The following CACNA1C variants were observed in gnomAD, a reference collection of about 807,000 sequenced individuals.
CACNA1C encodes voltage-dependent L-type calcium channel subunit alpha-1C.
A neutral mutation model predicts 229.0 loss-of-function variants in CACNA1C; 30 were observed. The observed-to-expected ratio is 0.13, with a 90% CI of 0.10 to 0.18. CACNA1C has a LOEUF of 0.18. Ranked by LOEUF, CACNA1C falls within the 10% of genes least tolerant of loss-of-function variation. The probability of loss-of-function intolerance (pLI) is 1.00; values close to 1 mark genes in which losing one functional copy is unlikely to be tolerated. For missense variants in CACNA1C, 1,658 were observed against 2,845.0 expected (o/e 0.58, Z 9.49); for synonymous variants, 1,114 against 1,132.5 (o/e 0.98, Z 0.33).
Position 2,682,037 on chromosome 12 carries a change from G to A in CACNA1C, c.5445-513G>A, listed in dbSNP as rs771327118. On this transcript the variant is annotated intron_variant, in intron 42 of 46. Coordinates refer to ENST00000399655, the MANE Select transcript of CACNA1C (RefSeq NM_000719.7). ...CTCAGGCTCACTGCCTTCTGCTCAG[G>A]AGAGCAAACCCCTCTAGGTGAGGCT... 5 of 1,600,548 alleles carry A rather than the reference G, an allele frequency of 3.1e-6. 1 individual carries two copies. In the South Asian group the frequency reaches 5.5e-5, roughly 18 times the overall value.
chr12:2,161,483 C>T (rs746578991), intron 3 of CACNA1C, among the ~76,000 whole-genome samples: 5 of 152,120 alleles, frequency 3.3e-5, no homozygotes, highest in Non-Finnish European at 5.9e-5. Flanking sequence ...TGCCAGGGGC[C>T]CCGCCTGTCA....
At position 2,677,211 on chromosome 12, in the gene CACNA1C, T is replaced by C. The variant is rs762182784; in HGVS notation, c.4946T>C (p.Leu1649Pro). 3 of 1,613,666 alleles carry C rather than the reference T, an allele frequency of 1.9e-6. No homozygotes were observed. The highest frequency in any genetic ancestry group is 2.5e-6 in the Non-Finnish European group (3 of 1,179,766). ...LVGKPSQRNA[L>P]SLQAGLRTLH... ...GGCAAGCCCTCCCAGAGGAACGCGC[T>C]GTCTCTGCAGGTGAGGGCCTGGGGG... The change falls in exon 40 of 47, where the codon CTG becomes CCG. Residue 1649 changes from leucine (L) to proline (P), a missense_variant. Physicochemically the swap from Leu to Pro is moderately conservative, Grantham distance 98. Transcript: ENST00000399655. This position sits in a 1 kb window ranked among gnomAD's most constrained non-coding sequence, Gnocchi z 7.4.
At chr12:2,276,374 A>G (rs1407049677) in intron 3 of CACNA1C, among the ~76,000 whole-genome samples, 1 of 152,254 alleles carries the variant, frequency 6.6e-6, no homozygotes, top group East Asian at 1.9e-4. Flanking sequence ...TTACCTTTGA[A>G]GTAAGTCAGG....
intron 3 of CACNA1C, among the ~76,000 whole-genome samples, chr12:2,314,565 CTTG>C (rs1268929664): frequency 1.3e-5 from 2 of 152,218 alleles, no homozygotes; most frequent in African/African-American, 2.4e-5. Flanking sequence ...CATTTCCCCT[CTTG>C]TTGTACTTGA....
At chr12:2,017,371 T>G (rs1271475406) in intron 1 of CACNA1C, among the ~76,000 whole-genome samples, 1 of 152,250 alleles carries the variant, frequency 6.6e-6, no homozygotes, top group Non-Finnish European at 1.5e-5. Context: ...ACTTTTTAGC[T>G]TGGCTGTAAA....
intron 38 of CACNA1C, among the ~76,000 whole-genome samples, chr12:2,673,540 C>A (rs1276115571): frequency 6.6e-6 from 1 of 151,540 alleles, no homozygotes; most frequent in Non-Finnish European, 1.5e-5. Flanking sequence ...AGTGGTGAAG[C>A]TGGGCTTTCA....
At chr12:2,008,195 G>A (rs1436670683) in intron 1 of CACNA1C, among the ~76,000 whole-genome samples, 2 of 152,026 alleles carry the variant, frequency 1.3e-5, no homozygotes, top group Non-Finnish European at 2.9e-5. Flanking sequence ...ACAGCTCACT[G>A]CAGACTTGAC....
At chr12:2,341,866 A>T (rs932230032) in intron 3 of CACNA1C, among the ~76,000 whole-genome samples, 4 of 152,072 alleles carry the variant, frequency 2.6e-5, no homozygotes, top group African/African-American at 9.7e-5. Flanking sequence ...CCGCAGCTTA[A>T]CCTTAGTGGA....
At chr12:2,158,105 A>G (rs1597595232) in intron 3 of CACNA1C, among the ~76,000 whole-genome samples, 1 of 152,190 alleles carries the variant, frequency 6.6e-6, no homozygotes, top group Non-Finnish European at 1.5e-5. Context: ...GAAAGAGATA[A>G]CTACAAAAAC....
intron 3 of CACNA1C, among the ~76,000 whole-genome samples, chr12:2,240,493 G>C (rs1465084127): frequency 6.6e-6 from 1 of 152,220 alleles, no homozygotes; most frequent in African/African-American, 2.4e-5. Flanking sequence ...GCCACTGATA[G>C]GGCTCCAGGC....
intron 13 of CACNA1C, among the ~76,000 whole-genome samples, chr12:2,577,744 C>T (rs1403704089): frequency 6.6e-6 from 1 of 152,348 alleles, no homozygotes; most frequent in East Asian, 1.9e-4. Context: ...AATGTTTGCT[C>T]ATCACCTGCT....
intron 3 of CACNA1C, among the ~76,000 whole-genome samples, chr12:2,418,056 C>A (rs1252885379): frequency 6.6e-6 from 1 of 152,182 alleles, no homozygotes; most frequent in Non-Finnish European, 1.5e-5. Flanking sequence ...TTAAGTGATT[C>A]TTTCCCACAG....
At chr12:1,992,682 C>CT (rs1387689007) in intron 1 of CACNA1C, 1 of 159,406 alleles carries the variant, frequency 6.3e-6, no homozygotes, top group African/African-American at 2.4e-5. Flanking sequence ...GCGATGGCTA[C>CT]TTCATTTCAA....
At chr12:2,085,851 T>C (rs1353481975) in intron 1 of CACNA1C, among the ~76,000 whole-genome samples, 2 of 152,198 alleles carry the variant, frequency 1.3e-5, no homozygotes, top group Non-Finnish European at 2.9e-5. Flanking sequence ...CAGCTTTTAC[T>C]GTTTCTTCTA....
At chr12:2,477,155 C>A (rs910257780) in intron 5 of CACNA1C, among the ~76,000 whole-genome samples, 14 of 152,330 alleles carry the variant, frequency 9.2e-5, no homozygotes, top group African/African-American at 3.4e-4. Flanking sequence ...ACGTCTCCAG[C>A]TTCTAGCCAG....
intron 3 of CACNA1C, among the ~76,000 whole-genome samples, chr12:2,311,088 G>A (rs972892300): frequency 6.6e-6 from 1 of 152,178 alleles, no homozygotes; most frequent in African/African-American, 2.4e-5. Flanking sequence ...GGAATCCACA[G>A]GGCATCACCC....
At chr12:2,525,740 A>G (rs1272745457) in intron 9 of CACNA1C, among the ~76,000 whole-genome samples, 3 of 152,198 alleles carry the variant, frequency 2.0e-5, no homozygotes, top group African/African-American at 7.2e-5. Context: ...CTTCAGGATT[A>G]CTTCACCAAA....
chr12:2,648,825 G>C (rs1016977365), intron 31 of CACNA1C, among the ~76,000 whole-genome samples: 2 of 152,138 alleles, frequency 1.3e-5, no homozygotes, highest in Admixed American at 1.3e-4. Flanking sequence ...GGACTCCACC[G>C]GCCAAAGCCT....
chr12:2,372,075 A>G (rs918257466), intron 3 of CACNA1C, among the ~76,000 whole-genome samples: 3 of 152,080 alleles, frequency 2.0e-5, no homozygotes, highest in Non-Finnish European at 2.9e-5. Context: ...TTGTTGTTTT[A>G]CTGGACCTTG....
Sources: allele counts gnomAD v4.1 joint callset (sites outside exome capture counted in the v4.1 genomes callset), GRCh38; gene constraint gnomAD v4.1.1; non-coding constraint Gnocchi (gnomAD v3.1); transcripts MANE v1.5; gene names NCBI Gene and HGNC (gene_info 2026-07-23, HGNC 2026-07-21).